The following DNAH14 variants were observed in gnomAD, a reference collection of about 807,000 sequenced individuals.
The protein encoded by DNAH14 is axonemal beta dynein heavy chain 14.
In DNAH14, 478 loss-of-function variants were observed where a neutral mutation model predicts 520.9. That is an observed-to-expected ratio of 0.92 (90% confidence interval 0.85 to 0.99). The LOEUF (loss-of-function observed/expected upper bound fraction) is 0.99, where lower values mean the gene tolerates loss of function less well. DNAH14 is among the 50% of genes least tolerant of loss of function. The pLI, the probability that DNAH14 is intolerant of heterozygous loss-of-function variation, is 0.00. For synonymous variants in DNAH14, 1,581 were observed against 1,757.2 expected (o/e 0.90, Z 2.51); for missense variants, 4,831 against 5,234.5 (o/e 0.92, Z 2.38).
intron 8 of DNAH14, among the ~76,000 whole-genome samples, chr1:224,987,207 A>G (rs948566942): frequency 6.6e-6 from 1 of 152,168 alleles, no homozygotes; most frequent in Non-Finnish European, 1.5e-5. Flanking sequence ...GTGATGGTAT[A>G]GTATAGTTCC....
intron 3 of DNAH14, 124 bp downstream of exon 3, chr1:224,955,222 T>A: frequency 9.7e-7 from 1 of 1,028,392 alleles, no homozygotes; most frequent in Non-Finnish European, 1.5e-6. Flanking sequence ...TAGTGTCTAT[T>A]TTACTAACTT....
chr1:225,308,492 G>T, intron 60 of DNAH14, 82 bp downstream of exon 60: 1 of 1,386,876 alleles, frequency 7.2e-7, no homozygotes. Context: ...AAGTCAGACT[G>T]ACTAGTCTTA....
chr1:225,306,619 T>C (rs2094247558), intron 58 of DNAH14, among the ~76,000 whole-genome samples: 1 of 152,098 alleles, frequency 6.6e-6, no homozygotes, highest in South Asian at 2.1e-4. Context: ...GACCAGTCCC[T>C]ATCACAGTCA....
rs537289165 is a variant in DNAH14 at position 224,974,253 on chromosome 1, GA to G, written c.830+103del. On this transcript the variant is annotated intron_variant, in intron 8 of 85. Coordinates refer to ENST00000682510, the MANE Select transcript of DNAH14 (RefSeq NM_001367479.1). ...TAATTTCATTTTCATTCAGTGATTA[GA>G]AAGTCACATTCCATTGCTTTACGAT... is the stretch of plus-strand genomic sequence containing the variant. 2.2e-4 allele frequency: 157 copies of G among 722,474 alleles called. 1 individual carries two copies. The African/African-American group carries it at 2.6e-3, about 12-fold the overall frequency. The allele number at this position is 722,474 out of a possible 1,614,324, so 44.8% of individuals were successfully genotyped here. A position where few individuals can be genotyped will look rare whatever the true frequency, so the allele number is the denominator to read the frequency against.
chr1:225,290,651 A>G (rs1245133518), intron 55 of DNAH14, among the ~76,000 whole-genome samples: 77 of 22,446 alleles, frequency 3.4e-3, no homozygotes, highest in African/African-American at 6.7e-3. Context: ...GTGTGTGTAT[A>G]TATATATATA....
chr1:225,374,716 TGA>T lies in DNAH14; in HGVS notation c.12351_12352del (p.Gly4118ThrfsTer24). On this transcript the variant is annotated frameshift_variant, in exon 78 of 86. Transcript: ENST00000682510. LOFTEE classifies it high-confidence loss of function. ...GCCATTAAGGTGTTGGAAAATTCCC[TGA>T]GAGGACAGCCCAGCATTTCGTGGCA... 1 of 1,549,788 alleles carries T rather than the reference TGA, an allele frequency of 6.5e-7. No homozygotes were observed. Among genetic ancestry groups the T allele is most frequent in the Non-Finnish European group, 8.7e-7 (1 of 1,145,758 alleles).
intron 35 of DNAH14, among the ~76,000 whole-genome samples, chr1:225,165,319 T>C (rs1411577308): frequency 6.6e-6 from 1 of 152,158 alleles, no homozygotes; most frequent in Non-Finnish European, 1.5e-5. Flanking sequence ...ATAATATCAC[T>C]ATAAATTCTC....
rs1457683575 is a variant in DNAH14, at chr1:224,964,531, T to C, written c.420T>C (p.Leu140=). The change falls in exon 5 of 86, where the codon CTT becomes CTC. Residue 140 remains leucine, a synonymous_variant. Transcript: ENST00000682510. ...ATATTATTAGGCTACGAGAAAAGCT[T>C]GGTTGGCAAACTATATTACCGCAGC... is the stretch of plus-strand genomic sequence containing the variant. ...IRNIIRLREK[L]GWQTILPQHS... is the part of the protein sequence containing the mutation. 6.2e-7 allele frequency: 1 copy of C among 1,610,518 alleles called. No homozygotes were observed. Among genetic ancestry groups the C allele is most frequent in the Non-Finnish European group, 8.5e-7 (1 of 1,177,860 alleles).
intron 73 of DNAH14, chr1:225,354,153 G>T: frequency 1.4e-6 from 1 of 702,650 alleles, no homozygotes; most frequent in Non-Finnish European, 2.6e-6. Flanking sequence ...TGTCCCTTTT[G>T]GGATTTGTCT....
At position 225,113,077 on chromosome 1, in the gene DNAH14, G is replaced by A. The variant is rs928880261; in HGVS notation, c.3868-4607G>A. Among the ~76,000 whole-genome samples, 9 of 152,202 alleles carry A rather than the reference G, an allele frequency of 5.9e-5. No individual in the cohort carries two copies. The East Asian group carries it at 1.7e-3, about 29-fold the overall frequency. Reference sequence around the variant, plus strand: ...GGCATTGAAGAGTTATGTATTTATTGTAGTTTTGCAGTCTGGGCTTGTTTG... The same window carrying A: ...GGCATTGAAGAGTTATGTATTTATTATAGTTTTGCAGTCTGGGCTTGTTTG... On this transcript the variant is annotated intron_variant, in intron 23 of 85. Transcript: ENST00000682510.
chr1:225,102,305 C>G (rs895474668), intron 23 of DNAH14, among the ~76,000 whole-genome samples: 20 of 151,840 alleles, frequency 1.3e-4, no homozygotes, highest in Non-Finnish European at 2.4e-4. Context: ...GGACATTTGG[C>G]TTGGTTCCAA....
At position 225,377,372 on chromosome 1, in the gene DNAH14, G is replaced by T; in HGVS notation, c.12652G>T (p.Glu4218Ter). The T allele has an allele frequency of 6.4e-7, 1 of 1,551,202 alleles. No homozygotes were observed. The highest frequency in any genetic ancestry group is 8.7e-7 in the Non-Finnish European group (1 of 1,146,784). ...AIRSCWETQGEKFIENLIAMQ... is the reference protein window; with the variant it reads ...AIRSCWETQG ...CAGGAGCTGCTGGGAGACCCAGGGC[G>T]AAAAGTTTATTGAAAATCTGATTGC... The change falls in exon 79 of 86, where the codon GAA (glutamate) becomes TAA (stop). Residue 4218 changes from glutamate (E) to a stop codon, truncating the protein, a stop_gained. Coordinates refer to ENST00000682510, the MANE Select transcript of DNAH14 (RefSeq NM_001367479.1). LOFTEE classifies it high-confidence loss of function.
At chr1:224,960,448 A>G (rs2060775335) in intron 4 of DNAH14, 146 bp downstream of exon 4, 1 of 891,758 alleles carries the variant, frequency 1.1e-6, no homozygotes, top group Admixed American at 3.7e-5. Flanking sequence ...GATTATTACA[A>G]TGCTTTTAAA....
chr1:225,052,030 G>A (rs189129358), intron 17 of DNAH14, among the ~76,000 whole-genome samples: 4 of 152,114 alleles, frequency 2.6e-5, no homozygotes, highest in Non-Finnish European at 2.9e-5. Flanking sequence ...CACATCTATT[G>A]CATTCCCTAT....
At chr1:225,250,196 C>A (rs1238666745) in intron 43 of DNAH14, among the ~76,000 whole-genome samples, 1 of 152,190 alleles carries the variant, frequency 6.6e-6, no homozygotes, top group African/African-American at 2.4e-5. Flanking sequence ...TTCCTACCAA[C>A]AATATATTAG....
At chr1:225,126,389 G>C (rs550741854) in intron 27 of DNAH14, among the ~76,000 whole-genome samples, 1 of 152,270 alleles carries the variant, frequency 6.6e-6, no homozygotes, top group South Asian at 2.1e-4. Context: ...TTCAGATCCT[G>C]TTCTTGGTCT....
intron 56 of DNAH14, 149 bp downstream of exon 56, chr1:225,301,179 C>A: frequency 3.8e-6 from 3 of 794,392 alleles, no homozygotes; most frequent in Non-Finnish European, 5.7e-6. Context: ...TACCTACAGA[C>A]AACACCATAC....
Position 225,388,524 on chromosome 1 carries a change from C to T in DNAH14, c.13190+33C>T, listed in dbSNP as rs368318501. 2.7e-3 allele frequency: 3,611 copies of T among 1,318,330 alleles called. 9 individuals are homozygous for T. Among genetic ancestry groups the T allele is most frequent in the Non-Finnish European group, 3.4e-3 (3,199 of 948,838 alleles). The allele number at this position is 1,318,330 out of a possible 1,614,324, so 81.7% of individuals were successfully genotyped here. On this transcript the variant is annotated intron_variant, in intron 82 of 85. Coordinates refer to ENST00000682510, the MANE Select transcript of DNAH14 (RefSeq NM_001367479.1). The stretch of plus-strand genomic sequence containing the variant: ...TAAAAGATGCTTTACATTTCTTCCT[C>T]ATTTTTGCTTAAAGCCCAAAGGTTT...
intron 20 of DNAH14, 40 bp downstream of exon 20, chr1:225,082,779 C>G: frequency 6.8e-7 from 1 of 1,479,144 alleles, no homozygotes; most frequent in Non-Finnish European, 9.1e-7. Context: ...GGTTGAAATA[C>G]CAGATGGGCC....
Sources: gnomAD v4.1 joint callset for allele counts (sites outside exome capture counted in the v4.1 genomes callset) on GRCh38, gnomAD v4.1.1 for gene constraint, MANE v1.5 for transcripts, NCBI Gene and HGNC (gene_info 2026-07-23, HGNC 2026-07-21) for gene names.